DACH1: variants seen among roughly 807,000 people sequenced by gnomAD.
The protein encoded by DACH1 is dachshund family transcription factor 1, also known as dachshund homolog 1.
A neutral mutation model predicts 54.2 loss-of-function variants in DACH1; 12 were observed. The ratio of observed to expected loss-of-function variants is 0.22; its 90% confidence interval spans 0.14 to 0.36. The LOEUF is 0.36. DACH1 is among the 10% of genes least tolerant of loss of function. The pLI is 1.00. For missense variants in DACH1, 805 were observed against 929.8 expected (o/e 0.87, Z 1.75); for synonymous variants, 386 against 366.2 (o/e 1.05, Z -0.62).
chr13:71,700,139 A>T (rs767343892), intron 1 of DACH1, among the ~76,000 whole-genome samples: 15 of 152,196 alleles, frequency 9.9e-5, no homozygotes, highest in Non-Finnish European at 2.1e-4. Context: ...GTGTTTGGAC[A>T]CACGTTGGCA....
chr13:71,823,479 G>A (rs1888269253), intron 1 of DACH1, among the ~76,000 whole-genome samples: 1 of 152,016 alleles, frequency 6.6e-6, no homozygotes, highest in African/African-American at 2.4e-5. Context: ...CTGATGCACT[G>A]AGAAATACAT....
chr13:71,665,313 A>G (rs1038050951), intron 2 of DACH1, among the ~76,000 whole-genome samples: 4 of 152,056 alleles, frequency 2.6e-5, no homozygotes, highest in Non-Finnish European at 4.4e-5. Context: ...TTAATGAATT[A>G]AGCTTGGTCA....
chr13:71,800,568 T>C (rs1293274330), intron 1 of DACH1, among the ~76,000 whole-genome samples: 2 of 152,128 alleles, frequency 1.3e-5, no homozygotes, highest in Non-Finnish European at 2.9e-5. Context: ...AGGTACAGCA[T>C]ATGAAGAATT....
chr13:71,490,331 C>T (rs1212101588), intron 6 of DACH1, among the ~76,000 whole-genome samples: 1 of 152,166 alleles, frequency 6.6e-6, no homozygotes, highest in African/African-American at 2.4e-5. Flanking sequence ...ATTGTAGAAG[C>T]TGCCACACTT....
At chr13:71,538,616 A>G (rs1593856161) in intron 6 of DACH1, among the ~76,000 whole-genome samples, 1 of 152,232 alleles carries the variant, frequency 6.6e-6, no homozygotes, top group East Asian at 1.9e-4. Context: ...TAAAATATTT[A>G]GACCTTCACA....
At chr13:71,828,472 A>C (rs1329523201) in intron 1 of DACH1, among the ~76,000 whole-genome samples, 4 of 152,042 alleles carry the variant, frequency 2.6e-5, no homozygotes, top group Non-Finnish European at 1.5e-5. Flanking sequence ...AAAGTAGGGT[A>C]ATAAAAAATA....
intron 10 of DACH1, among the ~76,000 whole-genome samples, chr13:71,443,817 C>A (rs1180655444): frequency 6.6e-6 from 1 of 152,068 alleles, no homozygotes; most frequent in Non-Finnish European, 1.5e-5. Flanking sequence ...AAGATTGGAA[C>A]CTCCTAAATC....
intron 3 of DACH1, among the ~76,000 whole-genome samples, chr13:71,594,303 G>T (rs1389331821): frequency 6.6e-6 from 1 of 152,012 alleles, no homozygotes; most frequent in South Asian, 2.1e-4. Flanking sequence ...AATGTTTAAA[G>T]AAAGCTATTT....
At chr13:71,761,179 C>G (rs1189650434) in intron 1 of DACH1, among the ~76,000 whole-genome samples, 1 of 151,962 alleles carries the variant, frequency 6.6e-6, no homozygotes, top group African/African-American at 2.4e-5. Flanking sequence ...TATTCTAACT[C>G]TCATTTTAAT....
intron 3 of DACH1, among the ~76,000 whole-genome samples, chr13:71,620,055 A>G (rs1171372511): frequency 2.6e-5 from 4 of 151,952 alleles, no homozygotes; most frequent in Non-Finnish European, 5.9e-5. Context: ...AAAATAATTT[A>G]CAAACTAATT....
At chr13:71,589,007 C>T (rs1453937396) in intron 3 of DACH1, among the ~76,000 whole-genome samples, 1 of 151,888 alleles carries the variant, frequency 6.6e-6, no homozygotes, top group Admixed American at 6.6e-5. Context: ...AAATATCACT[C>T]CCTATGAAAT....
chr13:71,822,981 A>G (rs1888248744), intron 1 of DACH1, among the ~76,000 whole-genome samples: 1 of 152,174 alleles, frequency 6.6e-6, no homozygotes, highest in African/African-American at 2.4e-5. Context: ...TTAAAATTCA[A>G]CAGAAAATGT....
At chr13:71,511,711 G>T (rs115562061) in intron 6 of DACH1, among the ~76,000 whole-genome samples, 3 of 152,024 alleles carry the variant, frequency 2.0e-5, no homozygotes, top group Admixed American at 6.6e-5. Flanking sequence ...AACCTTACTA[G>T]CCTCTTAGGT....
In DACH1 at chr13:71,671,869, C is replaced by T. The variant is rs1365568614; in HGVS notation, c.964+9926G>A. 3.9e-5 allele frequency among the ~76,000 whole-genome samples: 6 copies of T among 152,070 alleles called. No individual in the cohort carries two copies. In the East Asian group the frequency reaches 7.7e-4, roughly 20 times the overall value. On this transcript the variant is annotated intron_variant, in intron 2 of 10. Transcript: ENST00000613252. ...CTCCACACAGCAAGGCTCTTTCTTA[C>T]GGAAGCCAATGTAGACTTCTCTGCA...
At chr13:71,708,611 A>G (rs1882557858) in intron 1 of DACH1, among the ~76,000 whole-genome samples, 1 of 152,058 alleles carries the variant, frequency 6.6e-6, no homozygotes, top group Admixed American at 6.5e-5. Flanking sequence ...AACATATAAT[A>G]TATTATGAAG....
intron 1 of DACH1, among the ~76,000 whole-genome samples, chr13:71,769,895 T>C (rs1336865236): frequency 6.6e-6 from 1 of 151,626 alleles, no homozygotes; most frequent in Non-Finnish European, 1.5e-5. Context: ...GAGGCTAAAT[T>C]TTACTATCCA....
chr13:71,791,103 T>G (rs1032967005), intron 1 of DACH1, among the ~76,000 whole-genome samples: 3 of 152,210 alleles, frequency 2.0e-5, no homozygotes, highest in Non-Finnish European at 2.9e-5. Flanking sequence ...TTCTGTGTAT[T>G]AATGTACAAT....
At chr13:71,680,998 T>C (rs779445126) in intron 2 of DACH1, among the ~76,000 whole-genome samples, 11 of 151,968 alleles carry the variant, frequency 7.2e-5, no homozygotes, top group Non-Finnish European at 1.5e-4. Context: ...TGTTCCTATG[T>C]ATATTTCCTT....
intron 3 of DACH1, among the ~76,000 whole-genome samples, chr13:71,581,435 C>T (rs6562675): frequency 0.12 from 17,655 of 152,018 alleles, 2,246 homozygotes; most frequent in African/African-American, 0.32. Flanking sequence ...CTAATTTTTG[C>T]ATTTTAGTAG....
Sources: allele counts gnomAD v4.1 joint callset (sites outside exome capture counted in the v4.1 genomes callset), GRCh38; gene constraint gnomAD v4.1.1; transcripts MANE v1.5; gene names NCBI Gene and HGNC (gene_info 2026-07-23, HGNC 2026-07-21).